The following NCOR1 variants were observed in gnomAD, a reference collection of about 807,000 sequenced individuals.
The protein encoded by NCOR1 is nuclear receptor corepressor 1.
NCOR1 carries 63 observed loss-of-function variants against 288.1 expected under a neutral mutation model. That is an observed-to-expected ratio of 0.22 (90% CI 0.18 to 0.27). NCOR1 has a LOEUF of 0.27. Ranked by LOEUF, NCOR1 falls within the 10% of genes least tolerant of loss-of-function variation. NCOR1 has a pLI of 1.00. For synonymous variants in NCOR1, 1,007 were observed against 1,065.9 expected, an observed-to-expected ratio of 0.94 and a Z score of 1.08; for missense variants, 2,397 against 3,019.2, an observed-to-expected ratio of 0.79 and a Z score of 4.83.
intron 3 of NCOR1, among the ~76,000 whole-genome samples, chr17:16,178,108 C>A (rs1445346396): frequency 6.6e-6 from 1 of 152,204 alleles, no homozygotes; most frequent in Non-Finnish European, 1.5e-5. Context: ...ACTCTAGAGG[C>A]TGAGGCATGA....
intron 35 of NCOR1, 120 bp from the exon 36 acceptor site, chr17:16,062,390 A>G: frequency 2.3e-6 from 2 of 852,154 alleles, no homozygotes; most frequent in African/African-American, 1.7e-5. Flanking sequence ...GAAAAACAAG[A>G]TAAGAAACTT....
At chr17:16,084,383 A>G (rs972644090) in intron 23 of NCOR1, 1 of 152,528 alleles carries the variant, frequency 6.6e-6, no homozygotes, top group African/African-American at 2.4e-5. Context: ...GATGAGGATT[A>G]TAACTCATTT....
Position 16,064,057 on chromosome 17 carries a change from C to T in NCOR1, c.5221+11G>A, listed in dbSNP as rs2060839674. The T allele has an allele frequency of 6.2e-7, 1 of 1,613,732 alleles. No homozygotes were observed. Among genetic ancestry groups the T allele is most frequent in the Non-Finnish European group, 8.5e-7 (1 of 1,179,790 alleles). On this transcript the variant is annotated intron_variant, in intron 35 of 45. Coordinates refer to ENST00000268712, the MANE Select transcript of NCOR1 (RefSeq NM_006311.4). ...TGTCCAGAGAATGGAAGAGCAGTGCCTTTCACTGACCTGGCCGCAGGTAGA... is the reference window on the plus strand; with the variant it reads ...TGTCCAGAGAATGGAAGAGCAGTGCTTTTCACTGACCTGGCCGCAGGTAGA...
chr17:16,039,441 G>T lies in NCOR1; in HGVS notation c.6947C>A (p.Pro2316His). 6.2e-7 allele frequency: 1 copy of T among 1,613,748 alleles called. No individual in the cohort carries two copies. Among genetic ancestry groups the T allele is most frequent in the South Asian group, 1.1e-5 (1 of 91,046 alleles). The change falls in exon 44 of 46, where the codon CCT (proline) becomes CAT (histidine). Residue 2316 changes from proline to histidine, a missense_variant. Coordinates refer to ENST00000268712, the MANE Select transcript of NCOR1 (RefSeq NM_006311.4). ...TAAAATGAAAGCTGTACCTGAATGAGGTGATGGGTCCCCTTCCTCTCTTCG... is the reference window on the plus strand; with the variant it reads ...TAAAATGAAAGCTGTACCTGAATGATGTGATGGGTCCCCTTCCTCTCTTCG... ...ETRREEGDPS[P>H]HSGGVCKPKL... is the part of the protein sequence containing the mutation.
At chr17:16,188,822 C>T (rs940276307) in intron 2 of NCOR1, among the ~76,000 whole-genome samples, 24 of 150,496 alleles carry the variant, frequency 1.6e-4, no homozygotes, top group African/African-American at 5.6e-4. Context: ...GTCAGGATTT[C>T]GAGACCAGCC....
Position 16,171,881 on chromosome 17 carries a change from A to G in NCOR1, c.357T>C (p.Phe119=). The change falls in exon 4 of 46, where the codon TTT becomes TTC. Residue 119 remains phenylalanine (F), a synonymous_variant. Coordinates refer to ENST00000268712, the MANE Select transcript of NCOR1 (RefSeq NM_006311.4). The stretch of plus-strand genomic sequence containing the variant: ...GCAAAACCGCAGCACTGACACGCTG[A>G]AAATGAGAATCAGAAACCTGTTCCA... The part of the protein sequence containing the change: ...PRLEQVSDSH[F]QRVSAAVLPL... The G allele has an allele frequency of 6.2e-7, 1 of 1,613,572 alleles. No homozygotes were observed. Among genetic ancestry groups the G allele is most frequent in the Non-Finnish European group, 8.5e-7 (1 of 1,179,748 alleles).
At chr17:16,054,358 GA>G (rs1180351920) in intron 40 of NCOR1, among the ~76,000 whole-genome samples, 1 of 151,102 alleles carries the variant, frequency 6.6e-6, no homozygotes, top group Admixed American at 6.6e-5. Flanking sequence ...AAATTTACAA[GA>G]AAAAAACAAC....
At chr17:16,116,639 G>A (rs996210587) in intron 18 of NCOR1, among the ~76,000 whole-genome samples, 3 of 152,154 alleles carry the variant, frequency 2.0e-5, no homozygotes, top group African/African-American at 7.2e-5. Context: ...CATGAAAAAG[G>A]GGAGGCTGGT....
intron 23 of NCOR1, 32 bp from the exon 24 acceptor site, chr17:16,080,759 T>C: frequency 6.3e-7 from 1 of 1,583,810 alleles, no homozygotes; most frequent in Non-Finnish European, 8.6e-7. Flanking sequence ...ATTTAAAGAT[T>C]AAGCAAACAT....
rs139386411 is a variant in NCOR1, at chr17:16,130,721, T to A, written c.1510-4515A>T. Among the ~76,000 whole-genome samples, 1,149 of 152,342 alleles carry A rather than the reference T, an allele frequency of 7.5e-3. 17 individuals carry two copies. The highest frequency in any genetic ancestry group is 0.049 in the East Asian group (254 of 5,188). ...CATTGTGAGACAGGGTCTTACTATG[T>A]CACCCAGGCTGGAGTACAGCGGCGC... On this transcript the variant is annotated intron_variant, in intron 14 of 45. Coordinates refer to ENST00000268712, the MANE Select transcript of NCOR1 (RefSeq NM_006311.4).
Position 16,064,920 on chromosome 17 carries a change from G to A in NCOR1, c.5051C>T (p.Thr1684Ile), listed in dbSNP as rs2152669134. The A allele has an allele frequency of 6.2e-7, 1 of 1,613,916 alleles. No individual in the cohort carries two copies. The highest frequency in any genetic ancestry group is 8.5e-7 in the Non-Finnish European group (1 of 1,179,854). ...PMDRITYIPG[T>I]QITFPPRPYN... is the part of the protein sequence containing the mutation. ...CGGCCTGGGAGGGAAAGTAATCTGT[G>A]TACCAGGAATATAAGTGATTCTGTC... Residue 1684 changes from threonine to isoleucine, a missense_variant, in exon 34 of 46, where the codon ACA becomes ATA. Thr to Ile is a moderately conservative substitution (Grantham distance 89, BLOSUM62 -1). Around this residue, in one of 11 missense-constraint regions of NCOR1, gnomAD observed 1,872 missense variants for 2,187.8 expected, o/e 0.86. Transcript: ENST00000268712.
At chr17:16,148,744 C>T (rs1321638070) in intron 9 of NCOR1, among the ~76,000 whole-genome samples, 2 of 117,732 alleles carry the variant, frequency 1.7e-5, no homozygotes, top group Admixed American at 1.0e-4. Flanking sequence ...CAAATTAGAA[C>T]ATTAGACGTT....
chr17:16,142,760 A>C (rs2077333629), intron 11 of NCOR1, among the ~76,000 whole-genome samples: 1 of 152,296 alleles, frequency 6.6e-6, no homozygotes, highest in African/African-American at 2.4e-5. Flanking sequence ...TGGGAAAGTG[A>C]GTGAGGAAGC....
intron 20 of NCOR1, 98 bp downstream of exon 20, chr17:16,101,152 T>C: frequency 7.8e-7 from 1 of 1,284,194 alleles, no homozygotes; most frequent in Non-Finnish European, 1.1e-6. Context: ...AACGTGCCAA[T>C]ATTTACATAG....
intron 14 of NCOR1, among the ~76,000 whole-genome samples, chr17:16,133,523 G>A (rs990441912): frequency 6.6e-6 from 1 of 152,078 alleles, no homozygotes; most frequent in Non-Finnish European, 1.5e-5. Context: ...TATCCACCAG[G>A]GTAAAATCAA....
rs1229059441 is a variant in NCOR1 at position 16,030,791 on chromosome 17, CAT to C, written c.*1503_*1504del. On this transcript the variant is annotated 3_prime_UTR_variant, in exon 46 of 46. Transcript: ENST00000268712. ...ACTAAACCTGTGTCTTCATCTGTAA[CAT>C]AGGGATTAGACACCAGTGATAGGAG... 1 of 182,264 alleles carries C rather than the reference CAT, an allele frequency of 5.5e-6. No individual in the cohort carries two copies. The highest frequency in any genetic ancestry group is 1.2e-5 in the Non-Finnish European group (1 of 85,562). The allele number at this position is 182,264 out of a possible 1,614,324, so 11.3% of individuals were successfully genotyped here. A position where few individuals can be genotyped will look rare whatever the true frequency, so the allele number is the denominator to read the frequency against.
At chr17:16,072,378 C>T in intron 28 of NCOR1, 150 bp from the exon 29 acceptor site, 2 of 490,424 alleles carry the variant, frequency 4.1e-6, no homozygotes, top group Non-Finnish European at 6.9e-6. Flanking sequence ...CCAGAAGTAC[C>T]TAATATGACA....
At chr17:16,080,086 A>C (rs1567883798) in intron 25 of NCOR1, 22 bp from the exon 26 acceptor site, 1 of 1,592,814 alleles carries the variant, frequency 6.3e-7, no homozygotes, top group Admixed American at 1.7e-5. Flanking sequence ...CAAAGCTATT[A>C]GCAAATTACA....
chr17:16,078,892 G>A (rs574216269), intron 26 of NCOR1, among the ~76,000 whole-genome samples: 1 of 152,254 alleles, frequency 6.6e-6, no homozygotes, highest in East Asian at 1.9e-4. Flanking sequence ...GAGATTTTAA[G>A]AGTCAGTATG....
Sources: allele counts gnomAD v4.1 joint callset (sites outside exome capture counted in the v4.1 genomes callset), GRCh38; gene constraint gnomAD v4.1.1; regional missense constraint gnomAD v4.1.1; transcripts MANE v1.5; gene names NCBI Gene and HGNC (gene_info 2026-07-23, HGNC 2026-07-21).